The following LYST variants were observed in gnomAD, a reference collection of about 807,000 sequenced individuals.
LYST encodes lysosomal trafficking regulator, also known as lysosomal-trafficking regulator.
A neutral mutation model predicts 413.6 loss-of-function variants in LYST; 192 were observed. That is an observed-to-expected ratio of 0.46 (90% CI 0.41 to 0.52). The LOEUF (loss-of-function observed/expected upper bound fraction) is 0.52, where lower values mean the gene tolerates loss of function less well. Ranked by LOEUF, LYST falls within the 20% of genes least tolerant of loss-of-function variation. LYST has a pLI of 0.00. For missense variants in LYST, 3,815 were observed against 4,499.9 expected (o/e 0.85, Z 4.35); for synonymous variants, 1,525 against 1,567.3 (o/e 0.97, Z 0.64).
intron 44 of LYST, among the ~76,000 whole-genome samples, chr1:235,706,593 TTTC>T (rs1341679339): frequency 6.6e-6 from 1 of 152,196 alleles, no homozygotes; most frequent in Non-Finnish European, 1.5e-5. Context: ...GGTTTTTGTT[TTTC>T]TTTGTTTTTG....
intron 1 of LYST, among the ~76,000 whole-genome samples, chr1:235,877,781 T>C (rs968347050): frequency 1.3e-5 from 2 of 149,786 alleles, no homozygotes; most frequent in Non-Finnish European, 3.0e-5. Context: ...GCAGTGTAGA[T>C]GTAGCCCAGG....
At chr1:235,705,489 G>C (rs966180029) in intron 44 of LYST, among the ~76,000 whole-genome samples, 7 of 151,470 alleles carry the variant, frequency 4.6e-5, no homozygotes, top group African/African-American at 1.7e-4. Flanking sequence ...GGGTTCAAGT[G>C]ATCCTACTGC....
intron 47 of LYST, among the ~76,000 whole-genome samples, chr1:235,689,791 T>C (rs1660513186): frequency 6.6e-6 from 1 of 152,226 alleles, no homozygotes; most frequent in Non-Finnish European, 1.5e-5. Flanking sequence ...CAATTTTATT[T>C]GTCAATTTTA....
chr1:235,698,984 AAAAGGAAC>A, intron 45 of LYST, among the ~76,000 whole-genome samples: 1 of 152,310 alleles, frequency 6.6e-6, no homozygotes, highest in Non-Finnish European at 1.5e-5. Flanking sequence ...GAATTCATAT[AAAAGGAAC>A]TTCCTTTTAT....
intron 10 of LYST, among the ~76,000 whole-genome samples, chr1:235,798,606 A>C (rs865805063): frequency 1.0e-4 from 15 of 143,102 alleles, no homozygotes; most frequent in African/African-American, 3.9e-4. Flanking sequence ...AAAAAAAAAA[A>C]AAAAAAAAAA....
intron 48 of LYST, among the ~76,000 whole-genome samples, chr1:235,685,868 AC>A (rs200418466): frequency 0.01 from 1,575 of 151,378 alleles, 28 homozygotes; most frequent in African/African-American, 0.036. Context: ...AAAAAAAAAA[AC>A]AAACAAAAAA....
At chr1:235,667,151 A>C (rs1015811954) in intron 50 of LYST, among the ~76,000 whole-genome samples, 1 of 152,220 alleles carries the variant, frequency 6.6e-6, no homozygotes, top group Admixed American at 6.5e-5. Context: ...CACATCAACT[A>C]AAAGTCAGAA....
intron 1 of LYST, among the ~76,000 whole-genome samples, chr1:235,873,228 G>C (rs145853601): frequency 3.2e-4 from 49 of 152,242 alleles, no homozygotes; most frequent in African/African-American, 1.1e-3. Context: ...CCAACTAAAA[G>C]TGTTAAAAAC....
chr1:235,737,914 C>CGATCGAAT, intron 31 of LYST: 4 of 1,160,796 alleles, frequency 3.4e-6, no homozygotes, highest in Admixed American at 4.4e-5. Flanking sequence ...CCGCTGCCGA[C>CGATCGAAT]GAGTCTGGAT....
chr1:235,685,922 G>A (rs1418014265), intron 48 of LYST, among the ~76,000 whole-genome samples: 3 of 151,372 alleles, frequency 2.0e-5, no homozygotes, highest in African/African-American at 2.4e-5. Context: ...TAGAAATACA[G>A]GTTTCACTCA....
chr1:235,824,720 T>C (rs1271741454), intron 3 of LYST, among the ~76,000 whole-genome samples: 1 of 152,198 alleles, frequency 6.6e-6, no homozygotes, highest in East Asian at 1.9e-4. Flanking sequence ...ATTCCAGGAA[T>C]GCAAACATTT....
chr1:235,797,136 C>T (rs1036815624), intron 10 of LYST, among the ~76,000 whole-genome samples: 8 of 152,028 alleles, frequency 5.3e-5, no homozygotes, highest in African/African-American at 1.9e-4. Context: ...GAAATGAAAA[C>T]ATATGTTCAC....
Position 235,775,012 on chromosome 1 carries a change from G to C in LYST, c.5535C>G (p.Asn1845Lys). The C allele has an allele frequency of 2.5e-6, 4 of 1,610,420 alleles. No homozygotes were observed. The highest frequency in any genetic ancestry group is 3.4e-6 in the Non-Finnish European group (4 of 1,177,806). Residue 1845 changes from asparagine (N) to lysine (K), a missense_variant, in exon 18 of 53, where the codon AAC (asparagine) becomes AAG (lysine). Asn to Lys is a moderately conservative substitution (Grantham distance 94). Coordinates refer to ENST00000389793, the MANE Select transcript of LYST (RefSeq NM_000081.4). ...TTTCTAATTCATGTACTCTTTGTTG[G>C]TTGTATTTAATTAATGAGAGTATAA... ...LRVILSLIKY[N>K]QQRVHELENC...
intron 20 of LYST, among the ~76,000 whole-genome samples, chr1:235,766,994 G>A (rs1478271229): frequency 5.3e-5 from 8 of 152,002 alleles, no homozygotes; most frequent in South Asian, 2.1e-4. Context: ...TATTTGACTA[G>A]TGTAAACCAC....
intron 10 of LYST, among the ~76,000 whole-genome samples, chr1:235,796,403 A>C (rs1006374507): frequency 1.1e-4 from 17 of 152,196 alleles, no homozygotes; most frequent in African/African-American, 4.1e-4. Flanking sequence ...TACATAAAAA[A>C]AACCTCTTAC....
chr1:235,754,011 G>T (rs1666740182), intron 25 of LYST, among the ~76,000 whole-genome samples: 1 of 151,892 alleles, frequency 6.6e-6, no homozygotes, highest in Non-Finnish European at 1.5e-5. Flanking sequence ...TTTGGTTTGG[G>T]AGAAAAATAT....
At chr1:235,734,050 G>A (rs527891291) in intron 32 of LYST, 144 bp from the exon 33 acceptor site, 51 of 535,728 alleles carry the variant, frequency 9.5e-5, no homozygotes, top group African/African-American at 1.5e-4. Context: ...TAAAATAAAT[G>A]AACCATCTAA....
chr1:235,677,238 ATT>A, intron 49 of LYST, 50 bp from the exon 50 acceptor site: 1 of 1,369,666 alleles, frequency 7.3e-7, no homozygotes, highest in East Asian at 2.3e-5. Flanking sequence ...ATATAATTAC[ATT>A]CTCTTATTTT....
intron 3 of LYST, among the ~76,000 whole-genome samples, chr1:235,826,934 C>T (rs1039026814): frequency 1.2e-4 from 18 of 152,130 alleles, no homozygotes; most frequent in African/African-American, 2.6e-4. Context: ...CCATCTACCT[C>T]GGCCTCCCAA....
Sources: gnomAD v4.1 joint callset for allele counts (sites outside exome capture counted in the v4.1 genomes callset) on GRCh38, gnomAD v4.1.1 for gene constraint, MANE v1.5 for transcripts, NCBI Gene and HGNC (gene_info 2026-07-23, HGNC 2026-07-21) for gene names.